The following ERBB4 variants were observed in gnomAD, a reference collection of about 807,000 sequenced individuals.
ERBB4 encodes erb-b2 receptor tyrosine kinase 4.
ERBB4 carries 42 observed loss-of-function variants against 158.0 expected under a neutral mutation model. The ratio of observed to expected loss-of-function variants is 0.27; its 90% CI spans 0.21 to 0.34. ERBB4 has a LOEUF of 0.34. ERBB4 is among the 10% of genes least tolerant of loss of function. The probability of loss-of-function intolerance (pLI) is 1.00; values close to 1 mark genes in which losing one functional copy is unlikely to be tolerated. For missense variants in ERBB4, 1,333 were observed against 1,624.1 expected (o/e 0.82, Z 3.08); for synonymous variants, 583 against 558.7 (o/e 1.04, Z -0.61).
At chr2:212,241,223 C>T (rs1386233416) in intron 1 of ERBB4, among the ~76,000 whole-genome samples, 1 of 151,690 alleles carries the variant, frequency 6.6e-6, no homozygotes, top group Non-Finnish European at 1.5e-5. Flanking sequence ...TGACACTGCA[C>T]TCCAGATTGG....
intron 3 of ERBB4, among the ~76,000 whole-genome samples, chr2:211,823,529 T>C (rs2077037412): frequency 6.6e-6 from 1 of 152,008 alleles, no homozygotes; most frequent in African/African-American, 2.4e-5. Context: ...AAAATCCCAC[T>C]AAAACTCATT....
At chr2:212,486,838 T>C (rs1346875336) in intron 1 of ERBB4, among the ~76,000 whole-genome samples, 1 of 152,130 alleles carries the variant, frequency 6.6e-6, no homozygotes, top group Non-Finnish European at 1.5e-5. Context: ...TGCTTTAAAG[T>C]ACAGATGTTC....
intron 3 of ERBB4, among the ~76,000 whole-genome samples, chr2:211,834,440 G>C (rs891752335): frequency 3.3e-5 from 5 of 150,766 alleles, no homozygotes; most frequent in African/African-American, 4.9e-5. Context: ...TGAACTGTAA[G>C]ATCTTTCGTG....
intron 1 of ERBB4, among the ~76,000 whole-genome samples, chr2:212,201,308 C>T (rs749180114): frequency 6.6e-6 from 1 of 152,066 alleles, no homozygotes; most frequent in African/African-American, 2.4e-5. Flanking sequence ...CTTCATAGTA[C>T]ATGAAATCCA....
intron 1 of ERBB4, among the ~76,000 whole-genome samples, chr2:212,285,477 C>T (rs1263964992): frequency 1.3e-5 from 2 of 151,670 alleles, no homozygotes; most frequent in Non-Finnish European, 2.9e-5. Context: ...TAACTTCACA[C>T]AGTTCTTTTG....
At chr2:211,561,470 T>C (rs141132897) in intron 20 of ERBB4, among the ~76,000 whole-genome samples, 76 of 152,336 alleles carry the variant, frequency 5.0e-4, no homozygotes, top group Non-Finnish European at 7.9e-4. Flanking sequence ...AGACTAAGAA[T>C]ATATTTAGAC....
intron 3 of ERBB4, among the ~76,000 whole-genome samples, chr2:211,905,222 T>C (rs2079346090): frequency 6.6e-6 from 1 of 152,100 alleles, no homozygotes; most frequent in African/African-American, 2.4e-5. Context: ...TTGCAGCTTC[T>C]AGAGACTGTC....
At chr2:211,944,185 A>AG (rs1553517882) in intron 3 of ERBB4, among the ~76,000 whole-genome samples, 1 of 45,514 alleles carries the variant, frequency 2.2e-5, no homozygotes, top group Admixed American at 1.9e-4. Flanking sequence ...TACTATATAT[A>AG]TATATATATA....
At chr2:212,036,155 A>G (rs2077006451) in intron 2 of ERBB4, among the ~76,000 whole-genome samples, 1 of 152,176 alleles carries the variant, frequency 6.6e-6, no homozygotes. Context: ...CCTCATTGCT[A>G]TCTACTTGAG....
intron 2 of ERBB4, among the ~76,000 whole-genome samples, chr2:211,982,587 T>C (rs532397632): frequency 7.9e-5 from 12 of 152,174 alleles, no homozygotes; most frequent in East Asian, 7.8e-4. Context: ...TCAGTAAAAA[T>C]TGTGAAAGAC....
intron 1 of ERBB4, among the ~76,000 whole-genome samples, chr2:212,498,143 C>T (rs1690685146): frequency 6.6e-6 from 1 of 151,522 alleles, no homozygotes. Flanking sequence ...TGTATGTGTG[C>T]ACAGCCGTGT....
In ERBB4 at chr2:211,750,822, A is replaced by G. The variant is rs1350080603; in HGVS notation, c.557-118T>C. The G allele has an allele frequency of 5.6e-6, 5 of 892,014 alleles. No homozygotes were observed. The East Asian group carries it at 1.0e-4, about 18-fold the overall frequency. The allele number at this position is 892,014 out of a possible 1,614,324, so 55.3% of individuals were successfully genotyped here. A position where few individuals can be genotyped will look rare whatever the true frequency, so the allele number is the denominator to read the frequency against. ...TTTATGAGGATTTTTATGTCATACTAGAGCTGAAACATAGCCCATAAAATG... is the reference window on the plus strand; with the variant it reads ...TTTATGAGGATTTTTATGTCATACTGGAGCTGAAACATAGCCCATAAAATG... On this transcript the variant is annotated intron_variant, in intron 4 of 27. Transcript: ENST00000342788.
rs1405824991 is a variant in ERBB4 at position 211,504,164 on chromosome 2, C to T, written c.2487+57739G>A. 7.2e-5 allele frequency among the ~76,000 whole-genome samples: 11 copies of T among 152,088 alleles called. No homozygotes were observed. The East Asian group carries it at 2.1e-3, about 29-fold the overall frequency. On this transcript the variant is annotated intron_variant, in intron 20 of 27. Coordinates refer to ENST00000342788, the MANE Select transcript of ERBB4 (RefSeq NM_005235.3). ...TAGCCAGTAGGATAAATTGCACTACCCAATATATAATTTCTGCAGACAGAA... is the reference window on the plus strand; with the variant it reads ...TAGCCAGTAGGATAAATTGCACTACTCAATATATAATTTCTGCAGACAGAA...
intron 1 of ERBB4, among the ~76,000 whole-genome samples, chr2:212,407,913 A>C (rs956209535): frequency 1.3e-5 from 2 of 152,050 alleles, no homozygotes; most frequent in African/African-American, 2.4e-5. Flanking sequence ...GTAGCTTAGT[A>C]AAAATTTGAA....
At chr2:211,551,889 G>C (rs905453129) in intron 20 of ERBB4, among the ~76,000 whole-genome samples, 1 of 152,176 alleles carries the variant, frequency 6.6e-6, no homozygotes, top group Non-Finnish European at 1.5e-5. Context: ...AAATGGAAAA[G>C]AGGAAAGAAG....
At chr2:212,012,056 GT>G (rs1374915950) in intron 2 of ERBB4, among the ~76,000 whole-genome samples, 2 of 152,156 alleles carry the variant, frequency 1.3e-5, no homozygotes, top group Non-Finnish European at 2.9e-5. Context: ...AATTAGGGTT[GT>G]TTTTTAGTAT....
intron 19 of ERBB4, among the ~76,000 whole-genome samples, chr2:211,593,931 C>T (rs1031168126): frequency 2.0e-5 from 3 of 152,144 alleles, no homozygotes; most frequent in African/African-American, 7.2e-5. Flanking sequence ...ATGGGTCGTT[C>T]CAGCACCACA....
At chr2:212,485,621 A>G (rs1449144079) in intron 1 of ERBB4, among the ~76,000 whole-genome samples, 1 of 152,196 alleles carries the variant, frequency 6.6e-6, no homozygotes, top group Non-Finnish European at 1.5e-5. Context: ...TATAAAAACT[A>G]CAATAGTTTT....
intron 1 of ERBB4, among the ~76,000 whole-genome samples, chr2:212,214,610 C>T (rs1163846571): frequency 6.6e-6 from 1 of 151,520 alleles, no homozygotes; most frequent in Non-Finnish European, 1.5e-5. Context: ...CAAGTATTGG[C>T]CAGAACATAG....
Sources: allele counts gnomAD v4.1 joint callset (sites outside exome capture counted in the v4.1 genomes callset), GRCh38; gene constraint gnomAD v4.1.1; transcripts MANE v1.5; gene names NCBI Gene and HGNC (gene_info 2026-07-23, HGNC 2026-07-21).